The following GRID2 variants were observed in gnomAD, a reference collection of about 807,000 sequenced individuals.
GRID2 encodes the protein glutamate ionotropic receptor delta type subunit 2.
In GRID2, 33 loss-of-function variants were observed where a neutral mutation model predicts 114.8. That is an observed-to-expected ratio of 0.29 (90% CI 0.22 to 0.38). The LOEUF (loss-of-function observed/expected upper bound fraction) is 0.38, where lower values mean the gene tolerates loss of function less well. Among genes scored for constraint, GRID2 ranks in the 10% least tolerant of loss-of-function variants. The pLI, the probability that GRID2 is intolerant of heterozygous loss-of-function variation, is 1.00. For missense variants in GRID2, 1,184 were observed against 1,257.7 expected (o/e 0.94, Z 0.89); for synonymous variants, 505 against 449.9 (o/e 1.12, Z -1.55).
At chr4:93,475,404 C>T (rs1400908742) in intron 11 of GRID2, among the ~76,000 whole-genome samples, 7 of 151,948 alleles carry the variant, frequency 4.6e-5, no homozygotes, top group Non-Finnish European at 1.0e-4. Context: ...TAAATGATTC[C>T]CTTTTTCTCT....
intron 2 of GRID2, among the ~76,000 whole-genome samples, chr4:92,593,003 G>T (rs1728778228): frequency 1.3e-5 from 2 of 152,030 alleles, no homozygotes; most frequent in South Asian, 4.1e-4. Context: ...GCAATACTAT[G>T]CAAACTTGTA....
chr4:92,966,447 A>G (rs1479046742), intron 2 of GRID2, among the ~76,000 whole-genome samples: 2 of 151,922 alleles, frequency 1.3e-5, no homozygotes, highest in African/African-American at 4.8e-5. Flanking sequence ...ATGCTATCTC[A>G]CATCCAGATT....
intron 2 of GRID2, among the ~76,000 whole-genome samples, chr4:92,731,231 A>ATTTTTTTTTTTTTTTTTT (rs35176432): frequency 6.7e-6 from 1 of 149,110 alleles, no homozygotes; most frequent in Non-Finnish European, 1.5e-5. Flanking sequence ...ACAATAAGTG[A>ATTTTTTTTTTTTTTTTTT]TTTTTTTTTT....
rs1415520167 is a variant in GRID2 at position 93,128,299 on chromosome 4, CAG to C, written c.735+17348_735+17349del. Among the ~76,000 whole-genome samples the C allele has an allele frequency of 2.0e-5, 3 of 151,780 alleles. No individual in the cohort carries two copies. In the East Asian group the frequency reaches 5.8e-4, roughly 29 times the overall value. ...TTTCGCCCTTAAGCATAGAGAAGAACAGAACTTTTGGATTAAATGGATTAATT... is the reference window on the plus strand; with the variant it reads ...TTTCGCCCTTAAGCATAGAGAAGAACAACTTTTGGATTAAATGGATTAATT... On this transcript the variant is annotated intron_variant, in intron 4 of 15. Transcript: ENST00000282020.
At chr4:93,312,969 C>T (rs936545311) in intron 8 of GRID2, among the ~76,000 whole-genome samples, 14 of 152,120 alleles carry the variant, frequency 9.2e-5, no homozygotes, top group South Asian at 4.1e-4. Flanking sequence ...ATTTTTCAAA[C>T]GTATTTTATA....
rs892606135 is a variant in GRID2 at position 92,986,335 on chromosome 4, T to C, written c.245-98660T>C. Among the ~76,000 whole-genome samples the C allele has an allele frequency of 1.8e-4, 28 of 152,204 alleles. 1 individual carries two copies. The highest frequency in any genetic ancestry group is 2.9e-5 in the Non-Finnish European group (2 of 68,034). On this transcript the variant is annotated intron_variant, in intron 2 of 15. Transcript: ENST00000282020. Reference sequence around the variant, plus strand: ...GGTAAAATATTTTCAATAAAGAGTCTATTTTTTGATTAAATCAGCCAATAA... The same window carrying C: ...GGTAAAATATTTTCAATAAAGAGTCCATTTTTTGATTAAATCAGCCAATAA...
intron 2 of GRID2, among the ~76,000 whole-genome samples, chr4:92,851,546 A>T (rs1195500429): frequency 6.6e-6 from 1 of 152,012 alleles, no homozygotes; most frequent in East Asian, 1.9e-4. Flanking sequence ...TCAGATATTA[A>T]GAATCTCAAA....
At chr4:93,038,180 T>C (rs753888770) in intron 2 of GRID2, among the ~76,000 whole-genome samples, 5 of 152,146 alleles carry the variant, frequency 3.3e-5, no homozygotes, top group Non-Finnish European at 4.4e-5. Flanking sequence ...TCACATCCCT[T>C]GTAAGTTGTA....
intron 14 of GRID2, among the ~76,000 whole-genome samples, chr4:93,647,134 G>A (rs758009962): frequency 1.3e-5 from 2 of 152,152 alleles, no homozygotes; most frequent in Non-Finnish European, 2.9e-5. Context: ...GAGATTAGTA[G>A]TTATTAAGGG....
intron 2 of GRID2, among the ~76,000 whole-genome samples, chr4:92,671,499 C>G (rs1733070293): frequency 6.6e-6 from 1 of 152,062 alleles, no homozygotes; most frequent in Non-Finnish European, 1.5e-5. Context: ...TTTTTTAAAT[C>G]ATGTTACTGA....
chr4:93,085,383 G>A, intron 3 of GRID2, 104 bp downstream of exon 3: 1 of 880,208 alleles, frequency 1.1e-6, no homozygotes, highest in Non-Finnish European at 1.8e-6. Context: ...TGTTATTTGT[G>A]GTTTTCTTGT....
intron 2 of GRID2, among the ~76,000 whole-genome samples, chr4:93,075,296 T>C (rs1729159278): frequency 6.6e-6 from 1 of 152,186 alleles, no homozygotes; most frequent in Non-Finnish European, 1.5e-5. Context: ...GAGCAAACTC[T>C]GTTCTCAGCA....
intron 8 of GRID2, among the ~76,000 whole-genome samples, chr4:93,263,432 T>A (rs1750473888): frequency 1.3e-5 from 2 of 152,054 alleles, no homozygotes; most frequent in Admixed American, 1.3e-4. Flanking sequence ...TCTGAGATTT[T>A]TTTTTGTATG....
At chr4:92,448,922 A>G (rs1169687864) in intron 1 of GRID2, among the ~76,000 whole-genome samples, 2 of 152,074 alleles carry the variant, frequency 1.3e-5, no homozygotes, top group Non-Finnish European at 2.9e-5. Flanking sequence ...TTCATCCTTG[A>G]TATTTATTTA....
intron 1 of GRID2, among the ~76,000 whole-genome samples, chr4:92,529,053 G>A (rs1031643023): frequency 4.6e-5 from 7 of 152,064 alleles, no homozygotes; most frequent in Admixed American, 2.0e-4. Context: ...CTCTTGGGAC[G>A]TGAGTCAAAA....
At chr4:92,876,234 T>C (rs973430179) in intron 2 of GRID2, among the ~76,000 whole-genome samples, 2 of 151,646 alleles carry the variant, frequency 1.3e-5, no homozygotes, top group African/African-American at 4.8e-5. Context: ...GAACAGCAAA[T>C]TTATAAATTA....
chr4:92,863,620 T>C (rs1022236257), intron 2 of GRID2, among the ~76,000 whole-genome samples: 5 of 152,154 alleles, frequency 3.3e-5, no homozygotes, highest in African/African-American at 7.2e-5. Flanking sequence ...CTCTATGTAG[T>C]ATTAGTGTGT....
At chr4:92,794,874 T>TATA (rs1739775263) in intron 2 of GRID2, among the ~76,000 whole-genome samples, 2 of 106,052 alleles carry the variant, frequency 1.9e-5, no homozygotes, top group Non-Finnish European at 3.6e-5. Context: ...AATAATTGTT[T>TATA]TATATATATA....
intron 2 of GRID2, among the ~76,000 whole-genome samples, chr4:93,020,124 A>G (rs1009681422): frequency 6.6e-6 from 1 of 152,158 alleles, no homozygotes; most frequent in Non-Finnish European, 1.5e-5. Flanking sequence ...ACAAACCAGT[A>G]ATTAATCATA....
Sources: gnomAD v4.1 joint callset for allele counts (sites outside exome capture counted in the v4.1 genomes callset) on GRCh38, gnomAD v4.1.1 for gene constraint, MANE v1.5 for transcripts, NCBI Gene and HGNC (gene_info 2026-07-23, HGNC 2026-07-21) for gene names.